Variants in DMD observed in about 807,000 individuals in gnomAD.
The protein encoded by DMD is dystrophin.
DMD carries 63 observed loss-of-function variants against 330.1 expected under a neutral mutation model. The observed-to-expected ratio is 0.19, with a 90% CI of 0.16 to 0.24. The LOEUF (loss-of-function observed/expected upper bound fraction) is 0.24. DMD is among the 10% of genes least tolerant of loss of function. DMD has a pLI of 1.00. For synonymous variants in DMD, 1,223 were observed against 959.8 expected (o/e 1.27, Z -5.07); for missense variants, 3,344 against 2,684.1 (o/e 1.25, Z -5.43).
At chrX:31,483,136 T>TC (rs1479404145) in intron 57 of DMD, among the ~76,000 whole-genome samples, 1 of 94,815 alleles carries the variant, frequency 1.1e-5, no homozygotes, top group Non-Finnish European at 2.0e-5. Context: ...AAGCTCCACC[T>TC]CCCAGGTTCA....
chrX:32,472,204 G>T lies in DMD; in HGVS notation c.2909C>A (p.Thr970Asn). Reference sequence around the variant, plus strand: ...TCTCTGCTCCATGATTTCATAGTCGGTGACACTAAGTTGAGGTATGGAGAG... The same window carrying T: ...TCTCTGCTCCATGATTTCATAGTCGTTGACACTAAGTTGAGGTATGGAGAG... The part of the protein sequence containing the change: ...TKLSIPQLSV[T>N]DYEIMEQRLG... The change falls in exon 22 of 79, where the codon ACC becomes AAC. Residue 970 changes from threonine to asparagine, a missense_variant. Transcript: ENST00000357033. 1 of 1,211,121 alleles carries T rather than the reference G, an allele frequency of 8.3e-7. No individual in the cohort carries two copies. The highest frequency in any genetic ancestry group is 1.8e-5 in the South Asian group (1 of 56,992).
intron 44 of DMD, among the ~76,000 whole-genome samples, chrX:32,140,663 C>T (rs979384054): frequency 3.6e-5 from 4 of 111,676 alleles, no homozygotes; most frequent in Admixed American, 1.9e-4. Flanking sequence ...GGGGAGGCCT[C>T]AGAATCATGG....
At chrX:32,008,663 C>CA (rs2095682025) in intron 44 of DMD, among the ~76,000 whole-genome samples, 1 of 111,392 alleles carries the variant, frequency 9.0e-6, no homozygotes, top group Non-Finnish European at 1.9e-5. Flanking sequence ...AATTAAGTCT[C>CA]AAAAATGCTG....
chrX:33,139,162 T>A (rs1301263749), intron 1 of DMD, among the ~76,000 whole-genome samples: 2 of 110,514 alleles, frequency 1.8e-5, no homozygotes, highest in African/African-American at 6.6e-5. Context: ...GAGCCAGATG[T>A]GGTGGCGCAA....
chrX:32,765,268 T>C, intron 7 of DMD, among the ~76,000 whole-genome samples: 1 of 110,877 alleles, frequency 9.0e-6, no homozygotes. Context: ...CTGGGGCAAA[T>C]TTCTGATGAA....
intron 11 of DMD, among the ~76,000 whole-genome samples, chrX:32,621,473 G>A (rs2057983326): frequency 9.6e-6 from 1 of 104,671 alleles, no homozygotes; most frequent in South Asian, 3.9e-4. Context: ...GTACACATAA[G>A]TGTTTTATCT....
At chrX:31,499,489 C>CTTTTTTTTTTTTTTTTTT (rs774151183) in intron 56 of DMD, among the ~76,000 whole-genome samples, 2 of 83,691 alleles carry the variant, frequency 2.4e-5, no homozygotes, top group African/African-American at 9.1e-5. Context: ...GAATTCAGTT[C>CTTTTTTTTTTTTTTTTTT]TTTTTTTTTT....
intron 60 of DMD, among the ~76,000 whole-genome samples, chrX:31,358,261 G>A (rs908750961): frequency 5.4e-5 from 6 of 111,477 alleles, no homozygotes; most frequent in African/African-American, 1.6e-4. Flanking sequence ...TTTACATAGT[G>A]CAGAAAACTA....
chrX:31,231,176 T>C (rs2047160451), intron 63 of DMD, among the ~76,000 whole-genome samples: 1 of 110,988 alleles, frequency 9.0e-6, no homozygotes, highest in African/African-American at 3.3e-5. Flanking sequence ...ATAATAATTA[T>C]GGATCCATAA....
At chrX:33,044,780 GT>G (rs1379777345) in intron 1 of DMD, among the ~76,000 whole-genome samples, 1 of 111,928 alleles carries the variant, frequency 8.9e-6, no homozygotes, top group Non-Finnish European at 1.9e-5. Flanking sequence ...TGCGTTCAAT[GT>G]TTCTTGACCT....
rs1206705330 is a variant in DMD at position 31,836,455 on chromosome X, G to A, written c.7200+263C>T. Among the ~76,000 whole-genome samples, 6 of 112,039 alleles carry A rather than the reference G, an allele frequency of 5.4e-5. No homozygotes were observed. The East Asian group carries it at 1.7e-3, about 31-fold the overall frequency. On this transcript the variant is annotated intron_variant, in intron 49 of 78. Transcript: ENST00000357033. ...AGAATTTAATCTACCTTGAAGGTGG[G>A]ACTACTTTTGTATTGATGGCAGCAC...
chrX:31,905,981 G>A (rs2094473930), intron 47 of DMD, among the ~76,000 whole-genome samples: 1 of 111,690 alleles, frequency 9.0e-6, no homozygotes, highest in Admixed American at 9.5e-5. Context: ...TCTATGATAT[G>A]GTTTGGCTGT....
At chrX:32,735,691 G>T (rs1294581600) in intron 7 of DMD, among the ~76,000 whole-genome samples, 3 of 111,913 alleles carry the variant, frequency 2.7e-5, no homozygotes, top group Admixed American at 9.5e-5. Context: ...AATAAATGGT[G>T]CTAGGAAAAC....
At chrX:32,868,076 C>T (rs1019898850) in intron 2 of DMD, among the ~76,000 whole-genome samples, 1 of 110,737 alleles carries the variant, frequency 9.0e-6, no homozygotes, top group African/African-American at 3.3e-5. Flanking sequence ...CATGAGAGCG[C>T]AAGGAAAAGC....
In DMD at chrX:31,951,693, T is replaced by C. The variant is rs367935107; in HGVS notation, c.6614+16646A>G. Among the ~76,000 whole-genome samples the C allele has an allele frequency of 2.2e-4, 24 of 111,306 alleles. No homozygotes were observed. The East Asian group carries it at 6.8e-3, about 31-fold the overall frequency. On this transcript the variant is annotated intron_variant, in intron 45 of 78. Coordinates refer to ENST00000357033, the MANE Select transcript of DMD (RefSeq NM_004006.3). ...GCTTATAAACACAATAACACAATGT[T>C]ATAATTTTTATGCAATCTTAGGTCT...
At chrX:31,705,405 C>T (rs1334843751) in intron 52 of DMD, among the ~76,000 whole-genome samples, 1 of 112,754 alleles carries the variant, frequency 8.9e-6, no homozygotes, top group African/African-American at 3.2e-5. Context: ...TTATAAAAAC[C>T]TCACAATTTT....
chrX:32,696,622 A>G (rs1240118478), intron 9 of DMD, among the ~76,000 whole-genome samples: 1 of 111,556 alleles, frequency 9.0e-6, no homozygotes, highest in Non-Finnish European at 1.9e-5. Context: ...TGAGGTGAAA[A>G]TGTGCTACCA....
At chrX:31,801,163 A>C (rs2092040905) in intron 50 of DMD, among the ~76,000 whole-genome samples, 1 of 111,595 alleles carries the variant, frequency 9.0e-6, no homozygotes, top group African/African-American at 3.3e-5. Context: ...GGTTTAATAG[A>C]CTCACAGTTC....
intron 64 of DMD, among the ~76,000 whole-genome samples, chrX:31,220,993 C>T (rs909202443): frequency 4.9e-5 from 5 of 101,166 alleles, no homozygotes; most frequent in South Asian, 4.7e-4. Context: ...CACTGTGGCC[C>T]GGAGAAGCCA....
Sources: allele counts gnomAD v4.1 joint callset (sites outside exome capture counted in the v4.1 genomes callset), GRCh38; gene constraint gnomAD v4.1.1; transcripts MANE v1.5; gene names NCBI Gene and HGNC (gene_info 2026-07-23, HGNC 2026-07-21).